MAP4K3: variants seen among roughly 807,000 people sequenced by gnomAD.
The protein encoded by MAP4K3 is MAPK/ERK kinase kinase kinase 3.
A neutral mutation model predicts 143.5 loss-of-function variants in MAP4K3; 94 were observed. That is an observed-to-expected ratio of 0.65 (90% confidence interval 0.55 to 0.78). MAP4K3 has a LOEUF of 0.78. Among genes scored for constraint, MAP4K3 ranks in the 30% least tolerant of loss-of-function variants. MAP4K3 has a pLI of 0.00. For synonymous variants in MAP4K3, 416 were observed against 347.2 expected (o/e 1.20, Z -2.20); for missense variants, 1,077 against 1,068.1 (o/e 1.01, Z -0.12).
chr2:39,435,031 A>G (rs1665408276), intron 1 of MAP4K3, among the ~76,000 whole-genome samples: 2 of 152,172 alleles, frequency 1.3e-5, no homozygotes, highest in South Asian at 2.1e-4. Context: ...CCTGTAAAAA[A>G]ATTCACTGTA....
At chr2:39,375,120 G>A (rs998950934) in intron 2 of MAP4K3, among the ~76,000 whole-genome samples, 1 of 152,092 alleles carries the variant, frequency 6.6e-6, no homozygotes, top group African/African-American at 2.4e-5. Flanking sequence ...TTAGCTGGGT[G>A]TCATGTCATA....
intron 3 of MAP4K3, among the ~76,000 whole-genome samples, chr2:39,344,546 G>C (rs1665231192): frequency 6.6e-6 from 1 of 152,242 alleles, no homozygotes. Flanking sequence ...GAACAGAAGA[G>C]CTTAGTCGTG....
Position 39,325,780 on chromosome 2 carries a change from C to T in MAP4K3, c.757G>A (p.Ala253Thr), listed in dbSNP as rs1256680448. The change falls in exon 11 of 34, where the codon GCA (alanine) becomes ACA (threonine). Residue 253 changes from alanine (A) to threonine (T), a missense_variant. Transcript: ENST00000263881. The part of the protein sequence containing the change: ...SNSFHHFVKM[A>T]LTKNPKKRPT... ...CTTTTTTTCGGATTTTTGGTAAGTG[C>T]CATTTTCACAAAGTGATGAAAACTA... is the stretch of plus-strand genomic sequence containing the variant. 2.5e-6 allele frequency: 4 copies of T among 1,609,410 alleles called. No homozygotes were observed. Among genetic ancestry groups the T allele is most frequent in the Non-Finnish European group, 3.4e-6 (4 of 1,178,356 alleles).
chr2:39,343,369 A>T lies in MAP4K3; in HGVS notation c.310+19T>A. The T allele has an allele frequency of 6.3e-7, 1 of 1,590,100 alleles. No individual in the cohort carries two copies. Among genetic ancestry groups the T allele is most frequent in the Non-Finnish European group, 8.6e-7 (1 of 1,161,112 alleles). On this transcript the variant is annotated intron_variant, in intron 4 of 33. Transcript: ENST00000263881. ...AGAAATTCAACCTAACCCCTATAAA[A>T]ATACAACTTTGGTCTTACCGTGATA... is the stretch of plus-strand genomic sequence containing the variant.
chr2:39,296,775 A>T (rs1312141779), intron 16 of MAP4K3, among the ~76,000 whole-genome samples: 2 of 152,246 alleles, frequency 1.3e-5, no homozygotes, highest in Non-Finnish European at 2.9e-5. Flanking sequence ...TCATACAATC[A>T]ACAATTATTT....
rs1186725065 is a variant in MAP4K3 at position 39,249,738 on chromosome 2, T to A, written c.*880A>T. 1 of 152,636 alleles carries A rather than the reference T, an allele frequency of 6.6e-6. No homozygotes were observed. Among genetic ancestry groups the A allele is most frequent in the Admixed American group, 6.5e-5 (1 of 15,282 alleles). The allele number at this position is 152,636 out of a possible 1,614,324, so 9.5% of individuals were successfully genotyped here. A position where few individuals can be genotyped will look rare whatever the true frequency, so the allele number is the denominator to read the frequency against. On this transcript the variant is annotated 3_prime_UTR_variant, in exon 34 of 34. Transcript: ENST00000263881. ...GAAATGTTTAGTGAGGACTCTTTAA[T>A]AATGCTAATTAATTCTTTGTGCATA...
intron 24 of MAP4K3, among the ~76,000 whole-genome samples, chr2:39,275,238 G>A (rs1225512829): frequency 5.3e-5 from 8 of 152,192 alleles, no homozygotes; most frequent in Non-Finnish European, 1.2e-4. Context: ...TGTAATCCCA[G>A]CACTGGGTGG....
Position 39,309,538 on chromosome 2 carries a change from T to C in MAP4K3, c.998-19A>G, listed in dbSNP as rs370129974. The C allele has an allele frequency of 2.0e-5, 18 of 882,062 alleles. No homozygotes were observed. Among genetic ancestry groups the C allele is most frequent in the Non-Finnish European group, 2.9e-5 (17 of 590,276 alleles). 54.6% of individuals were successfully genotyped at this position (882,062 alleles called of 1,614,324 possible). On this transcript the variant is annotated intron_variant, in intron 13 of 33. Coordinates refer to ENST00000263881, the MANE Select transcript of MAP4K3 (RefSeq NM_003618.4). The stretch of plus-strand genomic sequence containing the variant: ...TGGCCAACTAAAAAAGAAAAAAAAG[T>C]AAAACCAGGATTTTTTTTTTTTTTT...
intron 1 of MAP4K3, among the ~76,000 whole-genome samples, chr2:39,417,323 C>A (rs1252826663): frequency 6.6e-6 from 1 of 151,926 alleles, no homozygotes; most frequent in Non-Finnish European, 1.5e-5. Flanking sequence ...GGATTCACGC[C>A]ATTCTCCGGC....
chr2:39,344,885 C>T (rs1181303940), intron 3 of MAP4K3, among the ~76,000 whole-genome samples: 1 of 152,122 alleles, frequency 6.6e-6, no homozygotes, highest in East Asian at 1.9e-4. Context: ...GAAAGACTGC[C>T]TGAAGAGACA....
rs1173395225 is a variant in MAP4K3 at position 39,325,716 on chromosome 2, G to A, written c.807+14C>T. 3.8e-6 allele frequency: 6 copies of A among 1,587,908 alleles called. No individual in the cohort carries two copies. The highest frequency in any genetic ancestry group is 1.7e-5 in the Admixed American group (1 of 58,146). ...TTTGAAATATATATATATATTTCAG[G>A]GCAAAAATAATACCTGTAATAATTT... On this transcript the variant is annotated intron_variant, in intron 11 of 33. Transcript: ENST00000263881.
intron 31 of MAP4K3, among the ~76,000 whole-genome samples, chr2:39,257,136 G>A (rs531216234): frequency 6.6e-6 from 1 of 152,110 alleles, no homozygotes; most frequent in African/African-American, 2.4e-5. Context: ...TAGCCTTACC[G>A]TCTGCTAATA....
intron 1 of MAP4K3, among the ~76,000 whole-genome samples, chr2:39,400,081 C>G (rs961534556): frequency 2.0e-5 from 3 of 152,148 alleles, no homozygotes; most frequent in Non-Finnish European, 1.5e-5. Flanking sequence ...ATTAATCCCC[C>G]CAAAAACCCT....
At chr2:39,281,943 C>T (rs1307636820) in intron 22 of MAP4K3, among the ~76,000 whole-genome samples, 4 of 151,914 alleles carry the variant, frequency 2.6e-5, no homozygotes. Flanking sequence ...CTTGTGATCC[C>T]AGCACTTTGG....
chr2:39,320,233 G>C (rs1430347369), intron 12 of MAP4K3, among the ~76,000 whole-genome samples: 1 of 152,204 alleles, frequency 6.6e-6, no homozygotes, highest in Non-Finnish European at 1.5e-5. Flanking sequence ...TTTACACGTT[G>C]CAAGTAGCTT....
intron 1 of MAP4K3, among the ~76,000 whole-genome samples, chr2:39,403,306 C>T (rs187947570): frequency 6.6e-6 from 1 of 152,236 alleles, no homozygotes; most frequent in Non-Finnish European, 1.5e-5. Context: ...CTCAAAGTAC[C>T]TGGTTTTAAC....
chr2:39,410,241 A>G (rs750558045), intron 1 of MAP4K3, among the ~76,000 whole-genome samples: 3 of 152,194 alleles, frequency 2.0e-5, no homozygotes, highest in South Asian at 2.1e-4. Context: ...TCATCTACAC[A>G]TAAGAGGCAG....
At chr2:39,363,668 CAAAAA>C (rs34083007) in intron 2 of MAP4K3, among the ~76,000 whole-genome samples, 1 of 83,740 alleles carries the variant, frequency 1.2e-5, no homozygotes, top group Admixed American at 1.5e-4. Context: ...GACTCTGTCT[CAAAAA>C]AAAAAAAAAA....
At chr2:39,415,983 ATATATATATATATATATAT>A (rs1667364736) in intron 1 of MAP4K3, among the ~76,000 whole-genome samples, 1 of 78,318 alleles carries the variant, frequency 1.3e-5, no homozygotes, top group Non-Finnish European at 2.5e-5. Flanking sequence ...AAAAAAAAAT[ATATATATATATATATATAT>A]ATAAAAATAA....
Sources: gnomAD v4.1 joint callset for allele counts (sites outside exome capture counted in the v4.1 genomes callset) on GRCh38, gnomAD v4.1.1 for gene constraint, MANE v1.5 for transcripts, NCBI Gene and HGNC (gene_info 2026-07-23, HGNC 2026-07-21) for gene names.